Variants in MYO1D observed in about 807,000 individuals in gnomAD.
The protein encoded by MYO1D is myosin ID.
Under a neutral mutation model 122.0 loss-of-function variants are expected in MYO1D, and 83 were observed. That is an observed-to-expected ratio of 0.68 (90% CI 0.57 to 0.82). The LOEUF is 0.82. Ranked by LOEUF, MYO1D falls within the 40% of genes least tolerant of loss-of-function variation. MYO1D has a pLI of 0.00. For missense variants in MYO1D, 1,157 were observed against 1,269.5 expected, an observed-to-expected ratio of 0.91 and a Z score of 1.35; for synonymous variants, 464 against 446.9, an observed-to-expected ratio of 1.04 and a Z score of -0.48.
chr17:32,717,918 C>A lies in MYO1D; in HGVS notation c.1913+3105G>T, dbSNP rs142385902. 3.5e-3 allele frequency among the ~76,000 whole-genome samples: 528 copies of A among 152,158 alleles called. 3 individuals carry two copies. The highest frequency in any genetic ancestry group is 0.012 in the African/African-American group (493 of 41,526). On this transcript the variant is annotated intron_variant, in intron 15 of 21. Coordinates refer to ENST00000318217, the MANE Select transcript of MYO1D (RefSeq NM_015194.3). ...TTCATGCAAATCCCTGGCCACTGTTCGAATAGTGCCTCTCCCCTATTCTTG... is the reference window on the plus strand; with the variant it reads ...TTCATGCAAATCCCTGGCCACTGTTAGAATAGTGCCTCTCCCCTATTCTTG...
chr17:32,867,112 G>C (rs1170541099), intron 1 of MYO1D, among the ~76,000 whole-genome samples: 1 of 152,108 alleles, frequency 6.6e-6, no homozygotes, highest in Admixed American at 6.6e-5. Flanking sequence ...TGAATCATGA[G>C]GTCAGGAGTT....
At position 32,644,793 on chromosome 17, in the gene MYO1D, T is replaced by C. The variant is rs185872948; in HGVS notation, c.2596-5958A>G. Among the ~76,000 whole-genome samples the C allele has an allele frequency of 2.6e-5, 4 of 152,330 alleles. No homozygotes were observed. The East Asian group carries it at 7.7e-4, about 29-fold the overall frequency. On this transcript the variant is annotated intron_variant, in intron 19 of 21. Coordinates refer to ENST00000318217, the MANE Select transcript of MYO1D (RefSeq NM_015194.3). ...TAGATCTTCCTCCATCCCTTTATTTTGAGCCTGTGTGTCTCTACATGTAAG... is the reference window on the plus strand; with the variant it reads ...TAGATCTTCCTCCATCCCTTTATTTCGAGCCTGTGTGTCTCTACATGTAAG...
intron 1 of MYO1D, among the ~76,000 whole-genome samples, chr17:32,822,769 TCCCCGCACCCGGCCGAC>T (rs1014566638): frequency 2.0e-5 from 3 of 151,064 alleles, no homozygotes; most frequent in African/African-American, 7.3e-5. Flanking sequence ...GCCCGGGGCG[TCCCCGCACCCGGCCGAC>T]CTCCGCTCGC....
intron 16 of MYO1D, among the ~76,000 whole-genome samples, chr17:32,661,232 T>C (rs973700592): frequency 3.3e-5 from 5 of 152,162 alleles, no homozygotes; most frequent in Admixed American, 1.3e-4. Context: ...AAAAATGAAA[T>C]AGCACAAAAA....
At chr17:32,658,953 A>T in intron 17 of MYO1D, 162 bp downstream of exon 17, 1 of 691,864 alleles carries the variant, frequency 1.4e-6, no homozygotes, top group South Asian at 1.9e-5. Flanking sequence ...GGGTAAGCAG[A>T]TGCTCTTTGA....
At chr17:32,645,264 G>A (rs1423048601) in intron 19 of MYO1D, among the ~76,000 whole-genome samples, 3 of 152,236 alleles carry the variant, frequency 2.0e-5, no homozygotes, top group African/African-American at 7.2e-5. Flanking sequence ...GGCTTGTAGA[G>A]TTTCTGCTGA....
At chr17:32,531,937 T>C (rs1329978287) in intron 21 of MYO1D, among the ~76,000 whole-genome samples, 1 of 152,224 alleles carries the variant, frequency 6.6e-6, no homozygotes, top group African/African-American at 2.4e-5. Flanking sequence ...GTCTCAACAC[T>C]AGTATCAGGA....
At chr17:32,539,568 C>T (rs181905446) in intron 21 of MYO1D, among the ~76,000 whole-genome samples, 12 of 152,278 alleles carry the variant, frequency 7.9e-5, no homozygotes, top group Admixed American at 6.5e-4. Context: ...GCTGCCAGCA[C>T]TCCTTGACTT....
chr17:32,557,873 C>T (rs1220871378), intron 21 of MYO1D, among the ~76,000 whole-genome samples: 1 of 151,700 alleles, frequency 6.6e-6, no homozygotes, highest in Non-Finnish European at 1.5e-5. Context: ...GGAACACAGC[C>T]ACGCTCATTC....
At chr17:32,791,486 G>A (rs2090350231) in intron 1 of MYO1D, among the ~76,000 whole-genome samples, 1 of 150,444 alleles carries the variant, frequency 6.6e-6, no homozygotes, top group South Asian at 2.1e-4. Context: ...TCACTGTATT[G>A]TGGTTATGTA....
intron 17 of MYO1D, among the ~76,000 whole-genome samples, chr17:32,657,680 ATCTT>A (rs2088496250): frequency 1.3e-5 from 2 of 152,242 alleles, no homozygotes; most frequent in Admixed American, 1.3e-4. Flanking sequence ...TGTCTTTCAC[ATCTT>A]TCTTGTTTGT....
intron 21 of MYO1D, among the ~76,000 whole-genome samples, chr17:32,523,790 C>CA (rs34905929): frequency 0.095 from 8,676 of 91,542 alleles, 852 homozygotes; most frequent in African/African-American, 0.27. Context: ...GACCCTGTCT[C>CA]AAAAAAAAAA....
chr17:32,759,548 G>C (rs1407030461), intron 10 of MYO1D, among the ~76,000 whole-genome samples: 1 of 152,028 alleles, frequency 6.6e-6, no homozygotes, highest in East Asian at 1.9e-4. Context: ...TATTTTTCAA[G>C]TTTATTCTCA....
chr17:32,701,924 T>C (rs1388112801), intron 16 of MYO1D, among the ~76,000 whole-genome samples: 1 of 152,202 alleles, frequency 6.6e-6, no homozygotes, highest in Non-Finnish European at 1.5e-5. Flanking sequence ...TGTCTGCATG[T>C]TCAAATGTAT....
At position 32,659,267 on chromosome 17, in the gene MYO1D, G is replaced by A; in HGVS notation, c.2193C>T (p.Tyr731=). The A allele has an allele frequency of 6.2e-7, 1 of 1,614,216 alleles. No individual in the cohort carries two copies. The highest frequency in any genetic ancestry group is 1.7e-5 in the Admixed American group (1 of 60,022). ...TKAALTIIRY[Y]RRYKVKSYIH... is the part of the protein sequence containing the mutation. ...TGTACGACTTCACTTTGTAGCGCCG[G>A]TAGTACCTGATTATTGTCAGAGCTG... is the stretch of plus-strand genomic sequence containing the variant. Residue 731 remains tyrosine (Y), a synonymous_variant, in exon 17 of 22, where the codon TAC becomes TAT. Transcript: ENST00000318217.
intron 1 of MYO1D, among the ~76,000 whole-genome samples, chr17:32,838,144 T>C (rs2090845475): frequency 1.3e-5 from 2 of 152,184 alleles, no homozygotes; most frequent in African/African-American, 4.8e-5. Flanking sequence ...TAAATATTCA[T>C]GTCAAACTAT....
intron 21 of MYO1D, among the ~76,000 whole-genome samples, chr17:32,568,457 G>C (rs1014486606): frequency 2.0e-5 from 3 of 152,180 alleles, no homozygotes; most frequent in Non-Finnish European, 4.4e-5. Flanking sequence ...TCTCATGGCT[G>C]CTGGAGTTAT....
chr17:32,538,263 T>A (rs548663592), intron 21 of MYO1D, among the ~76,000 whole-genome samples: 16 of 142,018 alleles, frequency 1.1e-4, no homozygotes, highest in African/African-American at 3.6e-4. Flanking sequence ...GTCAAAGGCA[T>A]CTAAGTAAAA....
At chr17:32,567,452 C>G (rs1364439223) in intron 21 of MYO1D, among the ~76,000 whole-genome samples, 2 of 152,240 alleles carry the variant, frequency 1.3e-5, no homozygotes, top group African/African-American at 4.8e-5. Flanking sequence ...ACCCAACCAC[C>G]AGGTACAGCA....
Sources: allele counts gnomAD v4.1 joint callset (sites outside exome capture counted in the v4.1 genomes callset), GRCh38; gene constraint gnomAD v4.1.1; transcripts MANE v1.5; gene names NCBI Gene and HGNC (gene_info 2026-07-23, HGNC 2026-07-21).